Variants in GAS7 observed in about 807,000 individuals in gnomAD.
GAS7 encodes growth arrest-specific protein 7.
GAS7 carries 28 observed loss-of-function variants against 71.1 expected under a neutral mutation model. That is an observed-to-expected ratio of 0.39 (90% CI 0.29 to 0.54). The LOEUF is 0.54. Among genes scored for constraint, GAS7 ranks in the 20% least tolerant of loss-of-function variants. GAS7 has a pLI of 0.62. For missense variants in GAS7, 436 were observed against 627.8 expected (o/e 0.69, Z 3.27); for synonymous variants, 258 against 245.8 (o/e 1.05, Z -0.46).
At chr17:10,061,000 G>A (rs571954103) in intron 1 of GAS7, among the ~76,000 whole-genome samples, 1 of 152,306 alleles carries the variant, frequency 6.6e-6, no homozygotes, top group African/African-American at 2.4e-5. Context: ...AGAACCAAGA[G>A]TATCTCTGAC....
At chr17:10,174,247 T>G (rs1348444106) in intron 1 of GAS7, among the ~76,000 whole-genome samples, 2 of 152,174 alleles carry the variant, frequency 1.3e-5, no homozygotes, top group African/African-American at 4.8e-5. Context: ...AAAGGAATCT[T>G]TCTTCTCTGA....
At chr17:9,937,282 T>C (rs1021844580) in intron 8 of GAS7, among the ~76,000 whole-genome samples, 1 of 152,236 alleles carries the variant, frequency 6.6e-6, no homozygotes, top group African/African-American at 2.4e-5. Flanking sequence ...GCCTGACTTA[T>C]GGAGCTGGAC....
chr17:9,959,339 A>C lies in GAS7; in HGVS notation c.472-84T>G. On this transcript the variant is annotated intron_variant, in intron 4 of 13. Transcript: ENST00000432992. This position sits in a 1 kb window ranked among gnomAD's most constrained non-coding sequence, Gnocchi z 5.0. ...CCCCATTCAGGTTCCCTGAGGGTGG[A>C]GGCGCTGGGGAATCAGGGATGCTCA... 6.3e-7 allele frequency: 1 copy of C among 1,598,640 alleles called. No homozygotes were observed. Among genetic ancestry groups the C allele is most frequent in the Non-Finnish European group, 8.5e-7 (1 of 1,171,976 alleles).
intron 1 of GAS7, among the ~76,000 whole-genome samples, chr17:10,174,310 T>C (rs1428195303): frequency 6.6e-6 from 1 of 152,162 alleles, no homozygotes; most frequent in African/African-American, 2.4e-5. Flanking sequence ...TAGAGGGATA[T>C]AGGGGATGCA....
rs570074689 is a variant in GAS7, at chr17:9,981,263, C to T, written c.385+541G>A. Among the ~76,000 whole-genome samples the T allele has an allele frequency of 6.6e-6, 1 of 152,098 alleles. No individual in the cohort carries two copies. The highest frequency in any genetic ancestry group is 2.4e-5 in the African/African-American group (1 of 41,402). ...CCGAGACTGCACCACTGCACTCCAG[C>T]CTGGGTGACAGAATGAGACCCTGTC... is the stretch of plus-strand genomic sequence containing the variant. On this transcript the variant is annotated intron_variant, in intron 3 of 13. Coordinates refer to ENST00000432992, the MANE Select transcript of GAS7 (RefSeq NM_201433.2). This position sits in a 1 kb window ranked among gnomAD's most constrained non-coding sequence, Gnocchi z 4.4.
chr17:9,985,322 T>C (rs1736843445), intron 2 of GAS7, among the ~76,000 whole-genome samples: 1 of 152,210 alleles, frequency 6.6e-6, no homozygotes, highest in African/African-American at 2.4e-5. Context: ...CGAAGTCCAC[T>C]GGCCTCCTGG....
In GAS7 at chr17:10,019,769, G is replaced by A; in HGVS notation, c.304+8C>T. 2 of 1,612,146 alleles carry A rather than the reference G, an allele frequency of 1.2e-6. No homozygotes were observed. The highest frequency in any genetic ancestry group is 1.7e-6 in the Non-Finnish European group (2 of 1,178,884). On this transcript the variant is annotated splice_region_variant and intron_variant, in intron 2 of 13. Coordinates refer to ENST00000432992, the MANE Select transcript of GAS7 (RefSeq NM_201433.2). The stretch of plus-strand genomic sequence containing the variant: ...TTGGTGCAGGATTCTCCCCCGAGCG[G>A]GACTCACCATTGGTGGTCGTGTTGA...
intron 1 of GAS7, among the ~76,000 whole-genome samples, chr17:10,112,791 G>T (rs905825827): frequency 2.9e-5 from 4 of 136,896 alleles, no homozygotes; most frequent in African/African-American, 1.1e-4. Flanking sequence ...GAAAGAGAAA[G>T]AAAGAAAAGA....
chr17:10,107,472 G>A (rs1256496649), intron 1 of GAS7, among the ~76,000 whole-genome samples: 3 of 151,860 alleles, frequency 2.0e-5, no homozygotes, highest in African/African-American at 7.2e-5. Context: ...GGCTGGGCAG[G>A]AGAACTGCCT....
At chr17:10,169,584 G>A (rs548845699) in intron 1 of GAS7, among the ~76,000 whole-genome samples, 122 of 152,214 alleles carry the variant, frequency 8.0e-4, no homozygotes, top group Middle Eastern at 3.4e-3. Flanking sequence ...TGCCTTCACT[G>A]AACCCAGGGA....
At chr17:9,963,953 G>A (rs1204964138) in intron 4 of GAS7, among the ~76,000 whole-genome samples, 1 of 152,096 alleles carries the variant, frequency 6.6e-6, no homozygotes, top group Non-Finnish European at 1.5e-5. Flanking sequence ...AAGGGGATTG[G>A]GGGAGGGGAT....
chr17:10,039,700 T>G (rs1343662088), intron 1 of GAS7: 1 of 453,820 alleles, frequency 2.2e-6, no homozygotes, highest in Admixed American at 2.4e-5. Flanking sequence ...AATAAATAAA[T>G]AAAGACGACG....
chr17:10,004,466 C>T (rs2071389585), intron 2 of GAS7, among the ~76,000 whole-genome samples: 1 of 152,118 alleles, frequency 6.6e-6, no homozygotes, highest in African/African-American at 2.4e-5. Flanking sequence ...CAAAACTTCC[C>T]GCCGCACCAC....
At chr17:9,976,671 G>A (rs1356010967) in intron 3 of GAS7, among the ~76,000 whole-genome samples, 2 of 152,202 alleles carry the variant, frequency 1.3e-5, no homozygotes, top group Non-Finnish European at 2.9e-5. Context: ...TAGGTTCCCT[G>A]AGGCTACTGG....
At chr17:10,164,356 C>A (rs1054029060) in intron 1 of GAS7, among the ~76,000 whole-genome samples, 1 of 151,078 alleles carries the variant, frequency 6.6e-6, no homozygotes, top group African/African-American at 2.4e-5. Flanking sequence ...GCAGGAGAAT[C>A]GCTTGAACCC....
intron 1 of GAS7, among the ~76,000 whole-genome samples, chr17:10,061,976 C>T (rs76752826): frequency 2.6e-5 from 4 of 152,042 alleles, no homozygotes; most frequent in Admixed American, 6.6e-5. Flanking sequence ...TGCACAGGAC[C>T]GCCGCCCACA....
chr17:10,189,989 C>T (rs2074485644), intron 1 of GAS7, among the ~76,000 whole-genome samples: 1 of 151,944 alleles, frequency 6.6e-6, no homozygotes, highest in South Asian at 2.1e-4. Context: ...TAATACTTCA[C>T]GGCCCATGAA....
At chr17:9,947,058 A>C in intron 5 of GAS7, 75 bp from the exon 6 acceptor site, 2 of 955,942 alleles carry the variant, frequency 2.1e-6, no homozygotes, top group Non-Finnish European at 3.4e-6. Context: ...CTCCTGGGGG[A>C]CACGGCACTG....
chr17:10,076,893 A>G (rs1169006047), intron 1 of GAS7, among the ~76,000 whole-genome samples: 2 of 152,242 alleles, frequency 1.3e-5, no homozygotes, highest in Non-Finnish European at 2.9e-5. Flanking sequence ...CATCATGAAC[A>G]GAATAACTCT....
Sources: allele counts gnomAD v4.1 joint callset (sites outside exome capture counted in the v4.1 genomes callset), GRCh38; gene constraint gnomAD v4.1.1; non-coding constraint Gnocchi (gnomAD v3.1); transcripts MANE v1.5; gene names NCBI Gene and HGNC (gene_info 2026-07-23, HGNC 2026-07-21).